The following MTRR variants were observed in gnomAD, a reference collection of about 807,000 sequenced individuals.
MTRR encodes 5-methyltetrahydrofolate-homocysteine methyltransferase reductase, also known as methionine synthase reductase.
In MTRR, 63 loss-of-function variants were observed where a neutral mutation model predicts 79.2. The ratio of observed to expected loss-of-function variants is 0.80; its 90% CI spans 0.65 to 0.98. The LOEUF is 0.98. Ranked by LOEUF, MTRR falls within the 50% of genes least tolerant of loss-of-function variation. The pLI, the probability that MTRR is intolerant of heterozygous loss-of-function variation, is 0.00. For missense variants in MTRR, 895 were observed against 839.6 expected, an observed-to-expected ratio of 1.07 and a Z score of -0.82; for synonymous variants, 355 against 313.3, an observed-to-expected ratio of 1.13 and a Z score of -1.41.
chr5:7,899,806 A>T, intron 14 of MTRR, 108 bp from the exon 15 acceptor site: 1 of 1,389,404 alleles, frequency 7.2e-7, no homozygotes, highest in Non-Finnish European at 1.0e-6. Context: ...GAGAAGACGG[A>T]GGGAAGAACT....
intron 5 of MTRR, among the ~76,000 whole-genome samples, chr5:7,878,986 C>T (rs1735068462): frequency 6.6e-6 from 1 of 152,134 alleles, no homozygotes; most frequent in South Asian, 2.1e-4. Context: ...TTAATGAAGA[C>T]AGATTTAGAC....
At chr5:7,884,515 A>G (rs1158338197) in intron 6 of MTRR, among the ~76,000 whole-genome samples, 2 of 151,978 alleles carry the variant, frequency 1.3e-5, no homozygotes, top group Non-Finnish European at 1.5e-5. Flanking sequence ...GTTATTTTTT[A>G]TTGTTTTTTT....
intron 14 of MTRR, among the ~76,000 whole-genome samples, chr5:7,897,712 C>T (rs1004410151): frequency 7.2e-5 from 11 of 152,284 alleles, no homozygotes; most frequent in South Asian, 2.1e-4. Flanking sequence ...TTGAAACGTT[C>T]TGTGTTACTG....
chr5:7,890,988 GGC>G (rs1561255712), intron 9 of MTRR, among the ~76,000 whole-genome samples: 2 of 150,978 alleles, frequency 1.3e-5, no homozygotes, highest in African/African-American at 4.9e-5. Context: ...CTGAAAACTG[GGC>G]ACCTCCCTGC....
At chr5:7,889,418 G>T in intron 9 of MTRR, 143 bp downstream of exon 9, 1 of 867,988 alleles carries the variant, frequency 1.2e-6, no homozygotes. Flanking sequence ...GAATGGTGGT[G>T]ATTGGTAAGT....
At chr5:7,868,934 C>T (rs1250804287), upstream of MTRR, 9 of 665,210 alleles carry the variant, frequency 1.4e-5, no homozygotes, top group Admixed American at 2.1e-5. Context: ...AGGTCTTTGA[C>T]ACCCAGCCGG....
chr5:7,869,726 C>A (rs1283447372), intron 1 of MTRR: 1 of 188,934 alleles, frequency 5.3e-6, no homozygotes, highest in Non-Finnish European at 1.1e-5. Flanking sequence ...AAGGTGGTGC[C>A]GGATTGTGGG....
Position 7,878,224 on chromosome 5 carries a change from C to T in MTRR, c.682C>T (p.Leu228Phe), listed in dbSNP as rs1170879434. The part of the protein sequence containing the change: ...NVVIEDFESS[L>F]TRSVPPLSQA... ...TGTAATTGAAGACTTTGAGTCCTCA[C>T]TTACCCGTTCGGTACCCCCACTCTC... Residue 228 changes from leucine (L) to phenylalanine (F), a missense_variant, in exon 5 of 15, where the codon CTT becomes TTT. Leu to Phe is a conservative substitution (Grantham distance 22). Transcript: ENST00000440940. 8 of 1,614,090 alleles carry T rather than the reference C, an allele frequency of 5.0e-6. No homozygotes were observed. Among genetic ancestry groups the T allele is most frequent in the Non-Finnish European group, 2.5e-6 (3 of 1,180,050 alleles).
chr5:7,895,139 G>A (rs1738284792), intron 11 of MTRR, among the ~76,000 whole-genome samples: 1 of 152,192 alleles, frequency 6.6e-6, no homozygotes, highest in South Asian at 2.1e-4. Flanking sequence ...GAAACTGGAA[G>A]TGAAACATAC....
chr5:7,855,739 A>C (rs1291941047), intron 1 of MTRR, among the ~76,000 whole-genome samples: 1 of 152,212 alleles, frequency 6.6e-6, no homozygotes, highest in African/African-American at 2.4e-5. Flanking sequence ...AGGGTTATTA[A>C]GATTGTTTCT....
At chr5:7,887,738 A>G (rs1161360799) in intron 8 of MTRR, among the ~76,000 whole-genome samples, 3 of 145,414 alleles carry the variant, frequency 2.1e-5, no homozygotes, top group East Asian at 4.0e-4. Context: ...ATATGTGTAT[A>G]TATATGTGTG....
intron 14 of MTRR, 79 bp from the exon 15 acceptor site, chr5:7,899,835 G>A: frequency 6.5e-7 from 1 of 1,530,856 alleles, no homozygotes; most frequent in East Asian, 2.3e-5. Context: ...ACAGTCAAAA[G>A]GAATTAGACT....
At position 7,871,344 on chromosome 5, in the gene MTRR, T is replaced by C. The variant is rs1176377548; in HGVS notation, c.129+421T>C. The stretch of plus-strand genomic sequence containing the variant: ...TCCTGATGAAGGACCGCCTAGATTC[T>C]TTTGTGAAATAGAATTTAAAGTAGT... On this transcript the variant is annotated intron_variant, in intron 2 of 14. Transcript: ENST00000440940. Among the ~76,000 whole-genome samples, 3 of 152,226 alleles carry C rather than the reference T, an allele frequency of 2.0e-5. No homozygotes were observed. The East Asian group carries it at 5.8e-4, about 29-fold the overall frequency.
chr5:7,869,970 C>G (rs326119), intron 1 of MTRR: 64 of 968,638 alleles, frequency 6.6e-5, no homozygotes, highest in Non-Finnish European at 7.2e-5. Flanking sequence ...GAAAGCCAAG[C>G]TTTTGGTTTG....
At chr5:7,868,022 G>T, upstream of MTRR, 1 of 1,613,726 alleles carries the variant, frequency 6.2e-7, no homozygotes, top group East Asian at 2.2e-5. Context: ...AGCAGCCAGA[G>T]CTCTATGCAT....
At chr5:7,881,255 C>G (rs562127805) in intron 5 of MTRR, among the ~76,000 whole-genome samples, 2 of 152,178 alleles carry the variant, frequency 1.3e-5, no homozygotes, top group South Asian at 4.1e-4. Context: ...GCATAGTGCT[C>G]TGTCGTATAC....
rs750889756 is a variant in MTRR at position 7,890,022 on chromosome 5, G to A, written c.1327+747G>A. Among the ~76,000 whole-genome samples, 54 of 152,278 alleles carry A rather than the reference G, an allele frequency of 3.5e-4. 1 individual carries two copies. The highest frequency in any genetic ancestry group is 3.4e-4 in the Non-Finnish European group (23 of 68,012). ...ATTGAAAATGCTTGCTAGGGGTGAA[G>A]ACTAAGCGCTTTATAGGACTTCAAA... On this transcript the variant is annotated intron_variant, in intron 9 of 14. Transcript: ENST00000440940.
chr5:7,889,068 C>G (rs752413029), intron 8 of MTRR, 27 bp from the exon 9 acceptor site: 1 of 1,613,728 alleles, frequency 6.2e-7, no homozygotes, highest in East Asian at 2.2e-5. Context: ...AATTGTGTCA[C>G]AATTTAAGGC....
At chr5:7,883,440 CATAT>C (rs1735901477) in intron 6 of MTRR, among the ~76,000 whole-genome samples, 163 bp downstream of exon 6, 1 of 134,678 alleles carries the variant, frequency 7.4e-6, no homozygotes, top group Admixed American at 8.1e-5. Context: ...TGCTTGGTTA[CATAT>C]GCTGAGTTGT....
Sources: gnomAD v4.1 joint callset for allele counts (sites outside exome capture counted in the v4.1 genomes callset) on GRCh38, gnomAD v4.1.1 for gene constraint, MANE v1.5 for transcripts, NCBI Gene and HGNC (gene_info 2026-07-23, HGNC 2026-07-21) for gene names.